The following NXPE2 variants were observed in gnomAD, a reference collection of about 807,000 sequenced individuals.
NXPE2 encodes the protein NXPE family member 2.
Under a neutral mutation model 34.4 loss-of-function variants are expected in NXPE2, and 34 were observed. That is an observed-to-expected ratio of 0.99 (90% CI 0.75 to 1.31). The LOEUF is 1.31. Among genes scored for constraint, NXPE2 ranks in the 40% most tolerant of loss-of-function variants. NXPE2 has a pLI of 0.00. For missense variants in NXPE2, 649 were observed against 672.5 expected, an observed-to-expected ratio of 0.97 and a Z score of 0.39; for synonymous variants, 235 against 231.3, an observed-to-expected ratio of 1.02 and a Z score of -0.15.
the NXPE2 span, among the ~76,000 whole-genome samples, chr11:114,538,010 G>T: frequency 0.015 from 2,330 of 152,174 alleles, 28 homozygotes; most frequent in Non-Finnish European, 0.024. Context: ...GAGGCATCCC[G>T]CTACCTGACT....
At chr11:114,533,145 C>CT in the NXPE2 span, among the ~76,000 whole-genome samples, 4 of 152,144 alleles carry the variant, frequency 2.6e-5, no homozygotes, top group Non-Finnish European at 4.4e-5. Context: ...GAGAAACAGA[C>CT]TTTTTTTCCC....
At chr11:114,490,902 C>T in the NXPE2 span, among the ~76,000 whole-genome samples, 1 of 152,010 alleles carries the variant, frequency 6.6e-6, no homozygotes, top group Non-Finnish European at 1.5e-5. Context: ...GTGGCTCACG[C>T]CTGTAATCCC....
the NXPE2 span, among the ~76,000 whole-genome samples, chr11:114,772,079 C>T: frequency 1.1e-3 from 161 of 152,290 alleles, no homozygotes; most frequent in Non-Finnish European, 1.2e-3. Flanking sequence ...GCCATGAAAA[C>T]GGACGCTTTG....
the NXPE2 span, among the ~76,000 whole-genome samples, chr11:114,623,095 G>A: frequency 1.5e-4 from 23 of 151,950 alleles, no homozygotes; most frequent in Admixed American, 2.0e-4. Flanking sequence ...GATAATTAGC[G>A]TTGCCTGGCG....
the NXPE2 span, among the ~76,000 whole-genome samples, chr11:114,776,220 G>A: frequency 1.3e-5 from 2 of 152,238 alleles, no homozygotes; most frequent in Non-Finnish European, 2.9e-5. Flanking sequence ...AGCGGCCCCC[G>A]TGTCCGGGCA....
chr11:114,475,544 G>A, the NXPE2 span, among the ~76,000 whole-genome samples: 1 of 151,938 alleles, frequency 6.6e-6, no homozygotes, highest in African/African-American at 2.4e-5. Context: ...GCCTTAATGT[G>A]GACTTTTTGC....
chr11:114,530,057 GT>G, the NXPE2 span: 1 of 1,081,540 alleles, frequency 9.2e-7, no homozygotes, highest in South Asian at 1.6e-5. Flanking sequence ...GACACCACAT[GT>G]CTTACCTTGA....
the NXPE2 span, among the ~76,000 whole-genome samples, chr11:114,625,594 T>C: frequency 2.6e-5 from 4 of 152,004 alleles, no homozygotes; most frequent in African/African-American, 9.7e-5. Context: ...ACCACTGTTA[T>C]CTGGTGGATA....
At chr11:114,774,876 T>C in the NXPE2 span, among the ~76,000 whole-genome samples, 1 of 152,306 alleles carries the variant, frequency 6.6e-6, no homozygotes, top group Admixed American at 6.5e-5. Flanking sequence ...CTTGACTGTG[T>C]CTATGAGGAC....
At chr11:114,573,431 T>A in the NXPE2 span, among the ~76,000 whole-genome samples, 1 of 151,724 alleles carries the variant, frequency 6.6e-6, no homozygotes, top group Non-Finnish European at 1.5e-5. Context: ...TGGGTAAGAA[T>A]TCACCAGCCA....
chr11:114,736,245 T>A, the NXPE2 span, among the ~76,000 whole-genome samples: 2 of 152,134 alleles, frequency 1.3e-5, no homozygotes, highest in African/African-American at 4.8e-5. Context: ...GACCAAAATT[T>A]ATTAGGTGGG....
At chr11:114,788,767 C>T in the NXPE2 span, among the ~76,000 whole-genome samples, 3 of 152,210 alleles carry the variant, frequency 2.0e-5, no homozygotes, top group African/African-American at 7.2e-5. Flanking sequence ...AGCTCTTTAT[C>T]ACCCCTTCTT....
chr11:114,551,289 T>C, the NXPE2 span: 4 of 1,323,252 alleles, frequency 3.0e-6, no homozygotes, highest in African/African-American at 4.5e-5. Context: ...TTATAACTTG[T>C]AATTTGCCTC....
the NXPE2 span, among the ~76,000 whole-genome samples, chr11:114,735,571 A>T: frequency 6.6e-6 from 1 of 152,358 alleles, no homozygotes; most frequent in East Asian, 1.9e-4. Context: ...TATGTTGTTT[A>T]GCTTAGTACA....
At chr11:114,700,823 A>G (rs1453433788) in intron 3 of NXPE2, among the ~76,000 whole-genome samples, 1 of 152,136 alleles carries the variant, frequency 6.6e-6, no homozygotes, top group African/African-American at 2.4e-5. Context: ...GCCACAGACC[A>G]CTTATTTTAT....
At chr11:114,669,870 G>T in the NXPE2 span, among the ~76,000 whole-genome samples, 1 of 152,000 alleles carries the variant, frequency 6.6e-6, no homozygotes, top group Admixed American at 6.6e-5. Flanking sequence ...TAAGCATGTG[G>T]GAGTTATTTA....
the NXPE2 span, among the ~76,000 whole-genome samples, chr11:114,560,937 T>A: frequency 6.6e-6 from 1 of 152,216 alleles, no homozygotes; most frequent in African/African-American, 2.4e-5. Context: ...CTCTGTCTTT[T>A]TGTGGCTTGA....
chr11:114,530,982 AT>A, the NXPE2 span: 4 of 1,388,202 alleles, frequency 2.9e-6, no homozygotes, highest in South Asian at 6.2e-5. Flanking sequence ...GAGTTTGAAT[AT>A]TTGTTTACAG....
At chr11:114,780,907 G>A in the NXPE2 span, among the ~76,000 whole-genome samples, 1 of 152,206 alleles carries the variant, frequency 6.6e-6, no homozygotes, top group Admixed American at 6.5e-5. Flanking sequence ...TCCAGGGGAT[G>A]TGGCGTTGGG....
Sources: allele counts gnomAD v4.1 joint callset (sites outside exome capture counted in the v4.1 genomes callset), GRCh38; gene constraint gnomAD v4.1.1; transcripts MANE v1.5; gene names NCBI Gene and HGNC (gene_info 2026-07-23, HGNC 2026-07-21).